Variants in PLCG2 observed in about 807,000 individuals in gnomAD.
The protein encoded by PLCG2 is 1-phosphatidylinositol 4,5-bisphosphate phosphodiesterase gamma-2.
A neutral mutation model predicts 175.6 loss-of-function variants in PLCG2; 69 were observed. The ratio of observed to expected loss-of-function variants is 0.39; its 90% CI spans 0.32 to 0.48. PLCG2 has a LOEUF of 0.48. Ranked by LOEUF, PLCG2 falls within the 20% of genes least tolerant of loss-of-function variation. The probability of loss-of-function intolerance (pLI) is 0.91; values close to 1 mark genes in which losing one functional copy is unlikely to be tolerated. For synonymous variants in PLCG2, 827 were observed against 624.0 expected, an observed-to-expected ratio of 1.33 and a Z score of -4.85; for missense variants, 1,798 against 1,650.9, an observed-to-expected ratio of 1.09 and a Z score of -1.54.
intron 2 of PLCG2, among the ~76,000 whole-genome samples, chr16:81,823,383 T>C (rs895580135): frequency 1.2e-4 from 18 of 152,202 alleles, no homozygotes; most frequent in African/African-American, 4.1e-4. Context: ...GGCCAGTCCC[T>C]GAAATGCTGC....
intron 21 of PLCG2, 176 bp downstream of exon 21, chr16:81,921,445 A>G: frequency 1.5e-6 from 1 of 659,162 alleles, no homozygotes; most frequent in South Asian, 1.6e-5. Context: ...GCCTAGTTTC[A>G]GGGAAAATGT....
Position 81,962,273 on chromosome 16 carries a change from A to C in PLCG2, c.*4275A>C, listed in dbSNP as rs909595231. 1.5e-5 allele frequency: 3 copies of C among 196,938 alleles called. No homozygotes were observed. The highest frequency in any genetic ancestry group is 6.1e-5 in the Admixed American group (1 of 16,430). The allele number at this position is 196,938 out of a possible 1,614,324, so 12.2% of individuals were successfully genotyped here. A position where few individuals can be genotyped will look rare whatever the true frequency, so the allele number is the denominator to read the frequency against. On this transcript the variant is annotated 3_prime_UTR_variant, in exon 33 of 33. Coordinates refer to ENST00000564138, the MANE Select transcript of PLCG2 (RefSeq NM_002661.5). The stretch of plus-strand genomic sequence containing the variant: ...TTAAAAGGAAAATAGCTTAACCTTC[A>C]ACCTGTGTGACATTTAACTTTTTGA...
At chr16:81,743,323 T>A (rs1909635198) in intron 1 of PLCG2, among the ~76,000 whole-genome samples, 1 of 152,104 alleles carries the variant, frequency 6.6e-6, no homozygotes, top group South Asian at 2.1e-4. Flanking sequence ...GGCCTTCCAG[T>A]CTGGATGACA....
chr16:81,749,607 G>A (rs962395057), intron 1 of PLCG2, among the ~76,000 whole-genome samples: 3 of 152,184 alleles, frequency 2.0e-5, no homozygotes, highest in Admixed American at 1.3e-4. Flanking sequence ...ATCCGCCTTG[G>A]CCTCCCAAAC....
chr16:81,835,160 C>A (rs548690512), intron 2 of PLCG2, among the ~76,000 whole-genome samples: 1 of 152,250 alleles, frequency 6.6e-6, no homozygotes, highest in East Asian at 1.9e-4. Context: ...CTGCTTTGAG[C>A]CTTAGAATTT....
chr16:81,846,564 C>A (rs1404272113), intron 2 of PLCG2, among the ~76,000 whole-genome samples: 1 of 152,194 alleles, frequency 6.6e-6, no homozygotes, highest in Non-Finnish European at 1.5e-5. Flanking sequence ...GCTACTGTAT[C>A]TGTAAGACCC....
At chr16:81,880,880 T>C in intron 7 of PLCG2, 30 bp from the exon 8 acceptor site, 1 of 1,611,950 alleles carries the variant, frequency 6.2e-7, no homozygotes, top group Middle Eastern at 1.7e-4. Flanking sequence ...TGTCTAAGGT[T>C]CTTTTTTTTG....
intron 31 of PLCG2, among the ~76,000 whole-genome samples, chr16:81,955,333 T>C (rs1033799581): frequency 5.3e-5 from 8 of 152,214 alleles, no homozygotes; most frequent in Admixed American, 1.3e-4. Flanking sequence ...CCTCAACAGA[T>C]GTTTTTGTAG....
chr16:81,814,753 G>A (rs777092373), intron 2 of PLCG2, among the ~76,000 whole-genome samples: 18 of 152,060 alleles, frequency 1.2e-4, no homozygotes, highest in Non-Finnish European at 2.2e-4. Flanking sequence ...GGAGAGCAAG[G>A]ACCCAAGGCT....
rs929721678 is a variant in PLCG2, at chr16:81,961,173, G to C, written c.*3175G>C. ...GTCTCTTAGCATGTAACTACAAAGG[G>C]GTTGGAAGAATTCAGTGATTCTGCT... On this transcript the variant is annotated 3_prime_UTR_variant, in exon 33 of 33. Transcript: ENST00000564138. 3 of 229,172 alleles carry C rather than the reference G, an allele frequency of 1.3e-5. No individual in the cohort carries two copies. Among genetic ancestry groups the C allele is most frequent in the Non-Finnish European group, 1.7e-5 (2 of 115,646 alleles). The allele number at this position is 229,172 out of a possible 1,614,324, so 14.2% of individuals were successfully genotyped here.
At position 81,946,242 on chromosome 16, in the gene PLCG2, C is replaced by G. The variant is rs1911143718; in HGVS notation, c.3549C>G (p.Phe1183Leu). The G allele has an allele frequency of 6.2e-7, 1 of 1,613,762 alleles. No individual in the cohort carries two copies. The highest frequency in any genetic ancestry group is 2.2e-5 in the East Asian group (1 of 44,868). ...EDIELASLLV[F>L]CEMRPVLESE... ...TAGAGCTGGCTTCCCTCCTGGTTTT[C>G]TGTGAGATGCGGCCAGTCCTGGTGA... The change falls in exon 31 of 33, where the codon TTC (phenylalanine) becomes TTG (leucine). Residue 1183 changes from phenylalanine (F) to leucine (L), a missense_variant. Phe to Leu is a conservative substitution (Grantham distance 22, BLOSUM62 0). Coordinates refer to ENST00000564138, the MANE Select transcript of PLCG2 (RefSeq NM_002661.5).
intron 1 of PLCG2, among the ~76,000 whole-genome samples, chr16:81,779,703 G>T (rs1052849795): frequency 1.3e-5 from 2 of 152,020 alleles, no homozygotes; most frequent in African/African-American, 4.8e-5. Context: ...AATGGGGACC[G>T]GGAGGAAGGT....
intron 2 of PLCG2, among the ~76,000 whole-genome samples, chr16:81,771,016 C>T (rs1445221634): frequency 6.6e-6 from 1 of 151,190 alleles, no homozygotes; most frequent in Non-Finnish European, 1.5e-5. Context: ...CGAGATTATG[C>T]CCCTGCACTC....
At chr16:81,768,497 T>C (rs1301278169) in intron 2 of PLCG2, among the ~76,000 whole-genome samples, 18 of 151,992 alleles carry the variant, frequency 1.2e-4, no homozygotes, top group Non-Finnish European at 1.5e-5. Flanking sequence ...GGCTGCACTG[T>C]TTTGCATTTC....
chr16:81,765,094 C>G (rs568656126), intron 2 of PLCG2, among the ~76,000 whole-genome samples: 10 of 152,150 alleles, frequency 6.6e-5, no homozygotes, highest in African/African-American at 2.4e-4. Flanking sequence ...CACTGTCCCC[C>G]CACAAAAAAA....
At chr16:81,772,214 A>C (rs1910296898) in intron 2 of PLCG2, among the ~76,000 whole-genome samples, 1 of 152,104 alleles carries the variant, frequency 6.6e-6, no homozygotes, top group Non-Finnish European at 1.5e-5. Context: ...TGAGACAGAG[A>C]GCAGAGGGCC....
chr16:81,907,041 A>C lies in PLCG2; in HGVS notation c.1468-644A>C, dbSNP rs545023745. Among the ~76,000 whole-genome samples the C allele has an allele frequency of 7.9e-3, 1,197 of 151,526 alleles. 5 individuals are homozygous for C. The highest frequency in any genetic ancestry group is 0.013 in the Non-Finnish European group (893 of 67,772). On this transcript the variant is annotated intron_variant, in intron 15 of 32. Transcript: ENST00000564138. ...GAGAGAGACAGACTCTGTCTCAAAA[A>C]AAAAAAAAAAAAAACAGTGCAGCAC... is the stretch of plus-strand genomic sequence containing the variant.
In PLCG2 at chr16:81,870,894, C is replaced by T. The variant is rs773199213; in HGVS notation, c.607C>T (p.His203Tyr). The T allele has an allele frequency of 1.2e-5, 20 of 1,603,750 alleles. No homozygotes were observed. The highest frequency in any genetic ancestry group is 1.7e-5 in the Non-Finnish European group (20 of 1,174,796). ...HKDELSFEQF[H>Y]LFYKKLMFEQ... ...AGATGAGCTCAGCTTTGAACAGTTC[C>T]ATCTCTTCTATAAAAAACTTATGTT... Residue 203 changes from histidine to tyrosine, a missense_variant, in exon 7 of 33, where the codon CAT (histidine) becomes TAT (tyrosine). Transcript: ENST00000564138.
At chr16:81,799,236 C>T (rs1355151766) in intron 2 of PLCG2, among the ~76,000 whole-genome samples, 1 of 152,116 alleles carries the variant, frequency 6.6e-6, no homozygotes, top group South Asian at 2.1e-4. Context: ...CCCCGCCACC[C>T]CCCTACCCAG....
Sources: gnomAD v4.1 joint callset for allele counts (sites outside exome capture counted in the v4.1 genomes callset) on GRCh38, gnomAD v4.1.1 for gene constraint, MANE v1.5 for transcripts, NCBI Gene and HGNC (gene_info 2026-07-23, HGNC 2026-07-21) for gene names.